Variants in KAZN observed in about 807,000 individuals in gnomAD.
KAZN encodes kazrin, periplakin interacting protein.
KAZN carries 40 observed loss-of-function variants against 87.4 expected under a neutral mutation model. That is an observed-to-expected ratio of 0.46 (90% CI 0.36 to 0.60). KAZN has a LOEUF of 0.60. Among genes scored for constraint, KAZN ranks in the 20% least tolerant of loss-of-function variants. The pLI is 0.00. For missense variants in KAZN, 898 were observed against 1,073.9 expected, an observed-to-expected ratio of 0.84 and a Z score of 2.29; for synonymous variants, 466 against 458.3, an observed-to-expected ratio of 1.02 and a Z score of -0.22.
In KAZN at chr1:13,960,843, TCCTGGGGCTTCAGGA is replaced by T. The variant is rs530659697; in HGVS notation, c.91+67104_91+67118del. Among the ~76,000 whole-genome samples, 26 of 152,216 alleles carry T rather than the reference TCCTGGGGCTTCAGGA, an allele frequency of 1.7e-4. No homozygotes were observed. The South Asian group carries it at 4.8e-3, about 28-fold the overall frequency. On this transcript the variant is annotated intron_variant, in intron 1 of 16. Transcript: ENST00000636203. Reference sequence around the variant, plus strand: ...GCCTCAGCTCCATCCAGCTCCCCTCTCCTGGGGCTTCAGGACCTGGGGCTTCAGGACAGGGGGCTG... The same window carrying T: ...GCCTCAGCTCCATCCAGCTCCCCTCTCCTGGGGCTTCAGGACAGGGGGCTG...
intron 2 of KAZN, among the ~76,000 whole-genome samples, chr1:14,533,966 A>C (rs1340531434): frequency 1.3e-5 from 2 of 152,192 alleles, no homozygotes; most frequent in African/African-American, 4.8e-5. Flanking sequence ...CCAGCTAATA[A>C]AGATAGGCAC....
chr1:14,986,407 T>G (rs1666828620), intron 2 of KAZN, among the ~76,000 whole-genome samples: 4 of 152,226 alleles, frequency 2.6e-5, no homozygotes, highest in African/African-American at 9.6e-5. Context: ...ATGTTAATCC[T>G]TGTTTGCAGA....
chr1:14,507,684 T>C (rs989519253), intron 2 of KAZN, among the ~76,000 whole-genome samples: 4 of 152,180 alleles, frequency 2.6e-5, no homozygotes, highest in African/African-American at 9.7e-5. Context: ...TTTTCTTAAT[T>C]GAAAGCCTTG....
Position 14,789,760 on chromosome 1 carries a change from CAAAAAAAAAAAAAAAAAAAA to C in KAZN, c.227-170906_227-170887del, listed in dbSNP as rs3032757. 5.8e-4 allele frequency among the ~76,000 whole-genome samples: 27 copies of C among 46,254 alleles called. 1 individual carries two copies. Among genetic ancestry groups the C allele is most frequent in the South Asian group, 5.0e-3 (4 of 798 alleles). The allele number at this position is 46,254 out of a possible 152,430, so 30.3% of individuals were successfully genotyped here. On this transcript the variant is annotated intron_variant, in intron 1 of 14. Coordinates refer to ENST00000376030, the MANE Select transcript of KAZN (RefSeq NM_201628.3). ...GCAAGGACTCTAAGCTCCTCATTACCAAAAAAAAAAAAAAAAAAAAAAAAAAAAAAAAAAAAATCCCTAGA... is the reference window on the plus strand; with the variant it reads ...GCAAGGACTCTAAGCTCCTCATTACCAAAAAAAAAAAAAAAAATCCCTAGA...
At chr1:14,022,069 A>T (rs1479948205) in intron 1 of KAZN, among the ~76,000 whole-genome samples, 1 of 148,286 alleles carries the variant, frequency 6.7e-6, no homozygotes, top group Admixed American at 7.1e-5. Context: ...GTCCCGGGTA[A>T]ATAAAGAATG....
intron 2 of KAZN, among the ~76,000 whole-genome samples, chr1:14,369,143 G>A (rs958594966): frequency 2.0e-5 from 3 of 152,172 alleles, no homozygotes; most frequent in Non-Finnish European, 4.4e-5. Context: ...GAATCAGATG[G>A]AGACACATTT....
chr1:14,494,086 A>T (rs2148414573), intron 2 of KAZN, among the ~76,000 whole-genome samples: 1 of 152,214 alleles, frequency 6.6e-6, no homozygotes, highest in East Asian at 1.9e-4. Flanking sequence ...ATTTCCCCTG[A>T]ATATTATGGA....
chr1:14,228,645 C>T (rs1647515215), intron 2 of KAZN, among the ~76,000 whole-genome samples: 1 of 152,200 alleles, frequency 6.6e-6, no homozygotes, highest in Non-Finnish European at 1.5e-5. Flanking sequence ...ACTTCCCAGA[C>T]TCTGGGAGAA....
chr1:14,506,409 G>A (rs149830181), intron 2 of KAZN, among the ~76,000 whole-genome samples: 24 of 152,254 alleles, frequency 1.6e-4, no homozygotes, highest in Middle Eastern at 3.4e-3. Flanking sequence ...CATGATCATC[G>A]TTTATACCTT....
At chr1:14,103,259 G>C (rs1035507028) in intron 1 of KAZN, among the ~76,000 whole-genome samples, 1 of 152,054 alleles carries the variant, frequency 6.6e-6, no homozygotes, top group East Asian at 1.9e-4. Context: ...TTGTATTGGG[G>C]CCCACCCTAG....
In KAZN at chr1:14,491,104, G is replaced by A. The variant is rs568077810; in HGVS notation, c.250-107879G>A. Among the ~76,000 whole-genome samples the A allele has an allele frequency of 8.5e-5, 13 of 152,144 alleles. No individual in the cohort carries two copies. In the South Asian group the frequency reaches 2.3e-3, roughly 27 times the overall value. ...AGATTTTTCCAATTTTCCTCATGTC[G>A]ATCCTACTCATTCCTTGTCATGTTT... is the stretch of plus-strand genomic sequence containing the variant. On this transcript the variant is annotated intron_variant, in intron 2 of 16. Transcript: ENST00000636203.
At chr1:14,765,723 T>G (rs1368852639) in intron 1 of KAZN, among the ~76,000 whole-genome samples, 2 of 152,108 alleles carry the variant, frequency 1.3e-5, no homozygotes, top group Admixed American at 1.3e-4. Flanking sequence ...TGGGGAGTCC[T>G]CAAGCCAAAG....
intron 1 of KAZN, among the ~76,000 whole-genome samples, chr1:14,893,949 G>A (rs1270534499): frequency 1.3e-5 from 2 of 152,056 alleles, no homozygotes; most frequent in South Asian, 2.1e-4. Context: ...GCCGGAGCCC[G>A]GCTCCAGACC....
chr1:14,040,788 T>TAAAA (rs1641803416), intron 1 of KAZN, among the ~76,000 whole-genome samples: 6 of 122,602 alleles, frequency 4.9e-5, no homozygotes, highest in Admixed American at 3.1e-4. Context: ...TAAAATAAAA[T>TAAAA]TAAATTAAAT....
At position 14,834,644 on chromosome 1, in the gene KAZN, A is replaced by G. The variant is rs574865305; in HGVS notation, c.227-126040A>G. Among the ~76,000 whole-genome samples, 13 of 152,294 alleles carry G rather than the reference A, an allele frequency of 8.5e-5. 4 individuals carry two copies. Among genetic ancestry groups the G allele is most frequent in the African/African-American group, 2.9e-4 (12 of 41,570 alleles). On this transcript the variant is annotated intron_variant, in intron 1 of 14. Transcript: ENST00000376030. ...CCAAAGTGCTGGGATTACAGGCGTG[A>G]GCCACTGCGCCCAGCTGAAACAACA...
At chr1:14,660,774 G>A (rs1639117209) in intron 1 of KAZN, among the ~76,000 whole-genome samples, 2 of 152,136 alleles carry the variant, frequency 1.3e-5, no homozygotes, top group South Asian at 4.1e-4. Context: ...CCAGGCGGCT[G>A]TGATTGCTGC....
At chr1:15,015,853 GCCTA>G (rs1457713216) in intron 2 of KAZN, among the ~76,000 whole-genome samples, 1 of 152,108 alleles carries the variant, frequency 6.6e-6, no homozygotes, top group Non-Finnish European at 1.5e-5. Flanking sequence ...ACCCTGACCG[GCCTA>G]CCTGTCTCCA....
intron 3 of KAZN, among the ~76,000 whole-genome samples, chr1:15,042,572 C>T (rs891343521): frequency 5.9e-5 from 9 of 152,114 alleles, no homozygotes; most frequent in African/African-American, 2.2e-4. Flanking sequence ...CCCACACAAA[C>T]GCCCCAAAGT....
intron 1 of KAZN, among the ~76,000 whole-genome samples, chr1:13,999,919 T>G (rs933104809): frequency 5.9e-5 from 9 of 152,152 alleles, no homozygotes; most frequent in Non-Finnish European, 7.4e-5. Context: ...CTATAAAAAC[T>G]TCTATGTAAA....
Sources: gnomAD v4.1 joint callset for allele counts (sites outside exome capture counted in the v4.1 genomes callset) on GRCh38, gnomAD v4.1.1 for gene constraint, MANE v1.5 for transcripts, NCBI Gene and HGNC (gene_info 2026-07-23, HGNC 2026-07-21) for gene names.